Variants in SASH1 observed in about 807,000 individuals in gnomAD.
SASH1 encodes the protein SAM and SH3 domain-containing protein 1.
SASH1 carries 44 observed loss-of-function variants against 125.2 expected under a neutral mutation model. The observed-to-expected ratio is 0.35, with a 90% CI of 0.28 to 0.45. SASH1 has a LOEUF of 0.45. SASH1 is among the 20% of genes least tolerant of loss of function. The pLI is 1.00. For synonymous variants in SASH1, 639 were observed against 649.1 expected, an observed-to-expected ratio of 0.98 and a Z score of 0.24; for missense variants, 1,426 against 1,614.5, an observed-to-expected ratio of 0.88 and a Z score of 2.00.
chr6:148,365,326 C>T (rs1175515354), intron 1 of SASH1, among the ~76,000 whole-genome samples: 1 of 151,894 alleles, frequency 6.6e-6, no homozygotes, highest in African/African-American at 2.4e-5. Flanking sequence ...TTAGCACCTA[C>T]TATTTGTATC....
At chr6:148,442,891 A>T (rs932473103) in intron 4 of SASH1, among the ~76,000 whole-genome samples, 3 of 151,756 alleles carry the variant, frequency 2.0e-5, no homozygotes, top group African/African-American at 7.3e-5. Context: ...CTCCTGCCTT[A>T]GCCTCTTGAG....
At chr6:148,509,077 G>A (rs552213261) in intron 8 of SASH1, among the ~76,000 whole-genome samples, 26 of 152,186 alleles carry the variant, frequency 1.7e-4, no homozygotes, top group African/African-American at 4.6e-4. Flanking sequence ...GTGAAAATGC[G>A]TAACTTTTAG....
At chr6:148,512,269 C>T (rs530386784) in intron 8 of SASH1, among the ~76,000 whole-genome samples, 2 of 152,132 alleles carry the variant, frequency 1.3e-5, no homozygotes, top group Non-Finnish European at 2.9e-5. Flanking sequence ...CCTCCCACCT[C>T]GGCCTCCCAA....
chr6:148,268,403 AC>A (rs1241167643), upstream of SASH1, among the ~76,000 whole-genome samples: 1 of 152,208 alleles, frequency 6.6e-6, no homozygotes, highest in Non-Finnish European at 1.5e-5. Context: ...TAGGCAGATA[AC>A]ATTTAATGTA....
chr6:148,406,795 A>G (rs374636235), intron 2 of SASH1, among the ~76,000 whole-genome samples: 38 of 150,282 alleles, frequency 2.5e-4, no homozygotes, highest in African/African-American at 7.5e-4. Context: ...GAGCAGAGAG[A>G]ATCAGGCTCT....
chr6:148,517,329 C>T (rs910470092), intron 9 of SASH1, among the ~76,000 whole-genome samples: 16 of 152,162 alleles, frequency 1.1e-4, no homozygotes, highest in African/African-American at 3.6e-4. Context: ...ATTAAGTCAG[C>T]CCACAGCCTA....
chr6:148,373,802 C>G (rs1364230412), intron 1 of SASH1, among the ~76,000 whole-genome samples: 1 of 152,176 alleles, frequency 6.6e-6, no homozygotes, highest in Non-Finnish European at 1.5e-5. Flanking sequence ...GAAACCCCAT[C>G]TCCACTAAAA....
At chr6:148,506,039 G>C (rs1779783386) in intron 8 of SASH1, among the ~76,000 whole-genome samples, 2 of 151,954 alleles carry the variant, frequency 1.3e-5, no homozygotes, top group African/African-American at 4.8e-5. Flanking sequence ...AAAGTGCTGG[G>C]ATTACAGGCG....
chr6:148,411,245 G>A (rs994527003), intron 2 of SASH1, among the ~76,000 whole-genome samples: 1 of 141,552 alleles, frequency 7.1e-6, no homozygotes, highest in Non-Finnish European at 1.5e-5. Flanking sequence ...TACTTCATTA[G>A]TTCTAGTTAC....
At chr6:148,535,185 C>T (rs1781767544) in intron 16 of SASH1, among the ~76,000 whole-genome samples, 1 of 152,208 alleles carries the variant, frequency 6.6e-6, no homozygotes, top group African/African-American at 2.4e-5. Flanking sequence ...CATAAATTCC[C>T]AGTGCAGACA....
chr6:148,547,822 T>G (rs1018084064), intron 19 of SASH1, among the ~76,000 whole-genome samples: 6 of 152,232 alleles, frequency 3.9e-5, no homozygotes, highest in East Asian at 3.8e-4. Flanking sequence ...GTATTTTAAA[T>G]TCTTCATAAC....
At chr6:148,392,442 T>C (rs1052785538) in intron 2 of SASH1, among the ~76,000 whole-genome samples, 4 of 152,182 alleles carry the variant, frequency 2.6e-5, no homozygotes, top group Admixed American at 1.3e-4. Context: ...ATAATTCTTT[T>C]GTTAATAATT....
At chr6:148,525,238 C>T in intron 10 of SASH1, 53 bp from the exon 11 acceptor site, 5 of 1,409,912 alleles carry the variant, frequency 3.5e-6, no homozygotes, top group Non-Finnish European at 5.0e-6. Flanking sequence ...TGGTGCACTG[C>T]CGGCTGGCTT....
At chr6:148,214,829 T>C in the SASH1 span, among the ~76,000 whole-genome samples, 2 of 152,200 alleles carry the variant, frequency 1.3e-5, no homozygotes, top group Non-Finnish European at 2.9e-5. Flanking sequence ...TTTTTTATAC[T>C]GTATAGCAGT....
chr6:148,285,847 T>C (rs1157247188), intron 1 of SASH1, among the ~76,000 whole-genome samples: 1 of 152,224 alleles, frequency 6.6e-6, no homozygotes, highest in Non-Finnish European at 1.5e-5. Context: ...TTTGGTGATC[T>C]ACAATCAGCA....
In SASH1 at chr6:148,495,505, A is replaced by G. The variant is rs2115245527; in HGVS notation, c.729+7790A>G. ...TAGACACTAGGTTAAAATTTACCAG[A>G]TGTTTTATTTTTACATTTCAAAGGT... On this transcript the variant is annotated intron_variant, in intron 8 of 19. Transcript: ENST00000367467. This position sits in a 1 kb window ranked among gnomAD's most constrained non-coding sequence, Gnocchi z 4.0. 6.6e-6 allele frequency among the ~76,000 whole-genome samples: 1 copy of G among 152,288 alleles called. No individual in the cohort carries two copies. The highest frequency in any genetic ancestry group is 2.1e-4 in the South Asian group (1 of 4,830).
chr6:148,375,212 G>A (rs986094382), intron 1 of SASH1, among the ~76,000 whole-genome samples: 4 of 151,342 alleles, frequency 2.6e-5, no homozygotes, highest in Non-Finnish European at 4.4e-5. Flanking sequence ...GGCTGGTCTC[G>A]AACTCCTGAG....
At chr6:148,478,519 C>G (rs1778470107) in intron 7 of SASH1, among the ~76,000 whole-genome samples, 1 of 152,080 alleles carries the variant, frequency 6.6e-6, no homozygotes, top group Non-Finnish European at 1.5e-5. Context: ...TGATGGTTAC[C>G]AGAGCCTGGG....
At chr6:148,511,401 A>G (rs1780129725) in intron 8 of SASH1, among the ~76,000 whole-genome samples, 1 of 150,228 alleles carries the variant, frequency 6.7e-6, no homozygotes, top group Non-Finnish European at 1.5e-5. Context: ...TTTATATTGC[A>G]TTTTTCTTCG....
Sources: gnomAD v4.1 joint callset for allele counts (sites outside exome capture counted in the v4.1 genomes callset) on GRCh38, gnomAD v4.1.1 for gene constraint, Gnocchi (gnomAD v3.1) non-coding constraint, MANE v1.5 for transcripts, NCBI Gene and HGNC (gene_info 2026-07-23, HGNC 2026-07-21) for gene names.